The following ASB14 variants were observed in gnomAD, a reference collection of about 807,000 sequenced individuals.
ASB14 encodes the protein ankyrin repeat and SOCS box protein 14.
In ASB14, 63 loss-of-function variants were observed where a neutral mutation model predicts 55.6. The observed-to-expected ratio is 1.13, with a 90% CI of 0.92 to 1.40. The LOEUF (loss-of-function observed/expected upper bound fraction) is 1.40. Among genes scored for constraint, ASB14 ranks in the 40% most tolerant of loss-of-function variants. ASB14 has a pLI of 0.00. For missense variants in ASB14, 724 were observed against 710.4 expected (o/e 1.02, Z -0.22); for synonymous variants, 256 against 259.9 (o/e 0.98, Z 0.15).
chr3:57,283,614 TGAGA>T (rs2061056034), intron 5 of ASB14, among the ~76,000 whole-genome samples, 175 bp from the exon 6 acceptor site: 1 of 152,210 alleles, frequency 6.6e-6, no homozygotes. Flanking sequence ...TAATACTTAC[TGAGA>T]ATGTTTTACA....
rs1354498544 is a variant in ASB14, at chr3:57,288,266, G to A, written c.199C>T (p.His67Tyr). Reference protein sequence around the residue: ...IEKGKEDALSHLTKYHSAFGE... With the variant: ...IEKGKEDALSYLTKYHSAFGE... ...AATGCGGAATGGTACTTGGTTAAGTGTGACAATGCATCTTCCTTACCTATT... is the reference window on the plus strand; with the variant it reads ...AATGCGGAATGGTACTTGGTTAAGTATGACAATGCATCTTCCTTACCTATT... Residue 67 changes from histidine (H) to tyrosine (Y), a missense_variant, in exon 4 of 11, where the codon CAC becomes TAC. Physicochemically the swap from His to Tyr is moderately conservative, Grantham distance 83. Transcript: ENST00000487349. 1.3e-6 allele frequency: 2 copies of A among 1,537,192 alleles called. No homozygotes were observed. Among genetic ancestry groups the A allele is most frequent in the South Asian group, 1.2e-5 (1 of 84,054 alleles).
rs776078499 is a variant in ASB14, at chr3:57,276,636, G to A, written c.1678C>T (p.Leu560Phe). Residue 560 changes from leucine to phenylalanine, a missense_variant, in exon 10 of 11, where the codon CTT (leucine) becomes TTT (phenylalanine). Leu to Phe is a conservative substitution (Grantham distance 22). Transcript: ENST00000487349. ...HLRCPVFMSF[L>F]PLPNRLKAYV... is the part of the protein sequence containing the mutation. ...GCTTTTAGACGATTGGGTAATGGAA[G>A]AAATGACATGAAGACAGGGCAGCGC... 2 of 1,613,802 alleles carry A rather than the reference G, an allele frequency of 1.2e-6. No homozygotes were observed. Among genetic ancestry groups the A allele is most frequent in the Non-Finnish European group, 1.7e-6 (2 of 1,179,694 alleles).
intron 6 of ASB14, among the ~76,000 whole-genome samples, chr3:57,282,898 A>C (rs1239584414): frequency 2.0e-5 from 3 of 152,186 alleles, no homozygotes; most frequent in Non-Finnish European, 4.4e-5. Flanking sequence ...TTATGATTCT[A>C]GAAAAGGACA....
At chr3:57,278,303 A>C in intron 8 of ASB14, 74 bp downstream of exon 8, 2 of 1,200,098 alleles carry the variant, frequency 1.7e-6, no homozygotes, top group Non-Finnish European at 2.4e-6. Context: ...GAGTGGATGT[A>C]ATCTATTTAT....
At chr3:57,289,463 T>C (rs1037103960) in intron 2 of ASB14, among the ~76,000 whole-genome samples, 3 of 152,128 alleles carry the variant, frequency 2.0e-5, no homozygotes, top group South Asian at 4.1e-4. Context: ...CACTATCTCA[T>C]GGTAAAATTT....
chr3:57,283,451 G>C lies in ASB14; in HGVS notation c.470-12C>G. 6.5e-7 allele frequency: 1 copy of C among 1,549,554 alleles called. No homozygotes were observed. Among genetic ancestry groups the C allele is most frequent in the East Asian group, 2.4e-5 (1 of 40,902 alleles). On this transcript the variant is annotated splice_polypyrimidine_tract_variant and intron_variant, in intron 5 of 10. Transcript: ENST00000487349. The stretch of plus-strand genomic sequence containing the variant: ...GTCACGCAGCACAGCTGGGAAATGA[G>C]AAGTGTGGTGGGCATGTTCAACGGG...
At chr3:57,292,478 CATGTT>C (rs989189112) in intron 1 of ASB14, among the ~76,000 whole-genome samples, 150 bp downstream of exon 1, 2 of 152,220 alleles carry the variant, frequency 1.3e-5, no homozygotes, top group African/African-American at 2.4e-5. Flanking sequence ...TAAAAATAAA[CATGTT>C]ATAGGAACAA....
At chr3:57,292,238 A>T in intron 1 of ASB14, 134 bp from the exon 2 acceptor site, 1 of 520,840 alleles carries the variant, frequency 1.9e-6, no homozygotes, top group Non-Finnish European at 3.1e-6. Context: ...GTGGACTGCC[A>T]CAGATTCAAC....
At chr3:57,275,193 G>A (rs1333268569) in intron 10 of ASB14, among the ~76,000 whole-genome samples, 1 of 152,180 alleles carries the variant, frequency 6.6e-6, no homozygotes. Flanking sequence ...GCTCATGCCT[G>A]TAATCCCAGC....
chr3:57,268,356 A>G lies in ASB14; in HGVS notation c.*1285T>C. 6.8e-7 allele frequency: 1 copy of G among 1,475,122 alleles called. No homozygotes were observed. 91.4% of individuals were successfully genotyped at this position (1,475,122 alleles called of 1,614,324 possible). A position where few individuals can be genotyped will look rare whatever the true frequency, so the allele number is the denominator to read the frequency against. ...ACTGAAATGTCTAAAATTTAAAGTT[A>G]TTTCATATTTAATTCATTAGTTTTA... On this transcript the variant is annotated 3_prime_UTR_variant, in exon 11 of 11. Transcript: ENST00000487349.
intron 6 of ASB14, 58 bp downstream of exon 6, chr3:57,283,136 G>A: frequency 6.5e-7 from 1 of 1,532,828 alleles, no homozygotes; most frequent in South Asian, 1.2e-5. Context: ...CCATTAAGAG[G>A]AGAACCCCTG....
intron 10 of ASB14, among the ~76,000 whole-genome samples, chr3:57,274,424 T>C (rs1442379670): frequency 2.6e-5 from 4 of 152,246 alleles, no homozygotes. Flanking sequence ...GGCTCATGCC[T>C]GTAATCCCAG....
At chr3:57,286,874 T>C (rs1175590599) in intron 5 of ASB14, among the ~76,000 whole-genome samples, 3 of 152,240 alleles carry the variant, frequency 2.0e-5, no homozygotes, top group African/African-American at 7.2e-5. Context: ...TCTTGGATCA[T>C]CCAACTAATT....
Position 57,278,593 on chromosome 3 carries a change from C to G in ASB14, c.1215G>C (p.Leu405=). The change falls in exon 8 of 11, where the codon CTG becomes CTC. Residue 405 remains leucine, a synonymous_variant. Transcript: ENST00000487349. The part of the protein sequence containing the change: ...RMGNYELISL[L]LRHGANVNYF... ...AATTGACATTGGCCCCATGCCTTAG[C>G]AGCAGACTGATCAGCTCATAGTTGC... 6.2e-7 allele frequency: 1 copy of G among 1,614,226 alleles called. No individual in the cohort carries two copies. The highest frequency in any genetic ancestry group is 1.1e-5 in the South Asian group (1 of 91,084).
chr3:57,274,052 AT>A (rs1378938019), intron 10 of ASB14, among the ~76,000 whole-genome samples: 1 of 152,200 alleles, frequency 6.6e-6, no homozygotes, highest in Non-Finnish European at 1.5e-5. Flanking sequence ...GATTTAAAAA[AT>A]AACTATTCAT....
intron 10 of ASB14, chr3:57,272,235 A>G (rs141456042): frequency 2.6e-5 from 4 of 152,360 alleles, no homozygotes; most frequent in African/African-American, 7.2e-5. Flanking sequence ...GTCAGTAGAT[A>G]GGAAACCAGT....
Position 57,268,505 on chromosome 3 carries a change from C to T in ASB14, c.*1136G>A. ...TTGAAAAGGTATACAGTCCTAATGT[C>T]TGGATCTTTATGTGTTGTTTGTGAA... is the stretch of plus-strand genomic sequence containing the variant. On this transcript the variant is annotated 3_prime_UTR_variant, in exon 11 of 11. Coordinates refer to ENST00000487349, the MANE Select transcript of ASB14 (RefSeq NM_001142733.3). 6.4e-7 allele frequency: 1 copy of T among 1,563,002 alleles called. No individual in the cohort carries two copies. The highest frequency in any genetic ancestry group is 8.6e-7 in the Non-Finnish European group (1 of 1,160,180).
At chr3:57,290,963 C>T (rs897682487) in intron 2 of ASB14, among the ~76,000 whole-genome samples, 9 of 152,214 alleles carry the variant, frequency 5.9e-5, no homozygotes, top group Non-Finnish European at 1.3e-4. Flanking sequence ...CTGCCTTGCT[C>T]TTCACTTACT....
chr3:57,275,221 C>T (rs990086017), intron 10 of ASB14, among the ~76,000 whole-genome samples: 4 of 152,082 alleles, frequency 2.6e-5, no homozygotes, highest in Non-Finnish European at 4.4e-5. Context: ...GAGGCCAAGG[C>T]GGGCGGATCA....
Sources: gnomAD v4.1 joint callset for allele counts (sites outside exome capture counted in the v4.1 genomes callset) on GRCh38, gnomAD v4.1.1 for gene constraint, MANE v1.5 for transcripts, NCBI Gene and HGNC (gene_info 2026-07-23, HGNC 2026-07-21) for gene names.